The following TOX variants were observed in gnomAD, a reference collection of about 807,000 sequenced individuals.
The protein encoded by TOX is thymocyte selection associated high mobility group box.
Under a neutral mutation model 53.7 loss-of-function variants are expected in TOX, and 11 were observed. The ratio of observed to expected loss-of-function variants is 0.20; its 90% confidence interval spans 0.13 to 0.34. The LOEUF is 0.34. Among genes scored for constraint, TOX ranks in the 10% least tolerant of loss-of-function variants. The pLI, the probability that TOX is intolerant of heterozygous loss-of-function variation, is 1.00. For synonymous variants in TOX, 225 were observed against 245.3 expected, an observed-to-expected ratio of 0.92 and a Z score of 0.77; for missense variants, 570 against 664.6, an observed-to-expected ratio of 0.86 and a Z score of 1.56.
intron 1 of TOX, among the ~76,000 whole-genome samples, chr8:58,998,531 ATATAT>A (rs374144644): frequency 4.4e-5 from 1 of 22,832 alleles, no homozygotes; most frequent in Non-Finnish European, 8.0e-5. Flanking sequence ...ATATATATAT[ATATAT>A]ATAAATTTAT....
intron 4 of TOX, among the ~76,000 whole-genome samples, chr8:58,846,697 C>T (rs888565302): frequency 2.6e-5 from 4 of 152,018 alleles, no homozygotes; most frequent in African/African-American, 7.2e-5. Flanking sequence ...AACTCAGAGA[C>T]GACGCGTGTA....
chr8:58,950,195 G>A (rs1298396976), intron 2 of TOX, among the ~76,000 whole-genome samples: 1 of 148,778 alleles, frequency 6.7e-6, no homozygotes, highest in African/African-American at 2.5e-5. Context: ...AATTACATGT[G>A]TATAGTTCAT....
At chr8:59,032,374 G>A (rs1814374716) in intron 1 of TOX, among the ~76,000 whole-genome samples, 1 of 152,114 alleles carries the variant, frequency 6.6e-6, no homozygotes, top group Non-Finnish European at 1.5e-5. Context: ...TTATATTAAT[G>A]ACACATTGAA....
At chr8:58,817,505 C>A (rs1415205172) in intron 6 of TOX, among the ~76,000 whole-genome samples, 2 of 152,030 alleles carry the variant, frequency 1.3e-5, no homozygotes, top group Non-Finnish European at 2.9e-5. Context: ...TTAATCGAGC[C>A]TGTGTAAACA....
chr8:59,078,891 G>A (rs941993485), intron 1 of TOX, among the ~76,000 whole-genome samples: 6 of 152,220 alleles, frequency 3.9e-5, no homozygotes, highest in African/African-American at 1.4e-4. Context: ...CTAGGCTACT[G>A]AGGTCTCAGA....
At chr8:58,997,542 G>T (rs560412973) in intron 1 of TOX, among the ~76,000 whole-genome samples, 1 of 152,146 alleles carries the variant, frequency 6.6e-6, no homozygotes, top group Non-Finnish European at 1.5e-5. Flanking sequence ...TGCCAAGTGC[G>T]CCTGGGTGGT....
chr8:58,922,752 G>T (rs1812094086), intron 3 of TOX, among the ~76,000 whole-genome samples: 1 of 152,164 alleles, frequency 6.6e-6, no homozygotes, highest in South Asian at 2.1e-4. Context: ...AAGTAACAAT[G>T]CTCCAAGTGG....
chr8:59,030,384 A>G (rs1193594578), intron 1 of TOX, among the ~76,000 whole-genome samples: 1 of 152,234 alleles, frequency 6.6e-6, no homozygotes, highest in East Asian at 1.9e-4. Flanking sequence ...AGTTGCTGCT[A>G]AAGTAATGGT....
chr8:59,115,141 T>C (rs1314618746), intron 1 of TOX, among the ~76,000 whole-genome samples: 2 of 152,114 alleles, frequency 1.3e-5, no homozygotes, highest in African/African-American at 2.4e-5. Flanking sequence ...CAAAGAAAGA[T>C]TCAGGACATG....
At chr8:59,070,696 A>G (rs1439695289) in intron 1 of TOX, among the ~76,000 whole-genome samples, 1 of 152,208 alleles carries the variant, frequency 6.6e-6, no homozygotes, top group Non-Finnish European at 1.5e-5. Flanking sequence ...AATAGTGGGT[A>G]CAGAGAGATT....
chr8:58,882,631 A>G (rs890194939), intron 3 of TOX, among the ~76,000 whole-genome samples: 3 of 152,224 alleles, frequency 2.0e-5, no homozygotes, highest in Non-Finnish European at 2.9e-5. Context: ...CAATGTCACT[A>G]TAATTTTGAA....
intron 1 of TOX, among the ~76,000 whole-genome samples, chr8:59,033,947 G>C (rs13277511): frequency 0.21 from 31,580 of 152,098 alleles, 3,478 homozygotes; most frequent in African/African-American, 0.26. Flanking sequence ...CAGACTGAAA[G>C]TCCTTGGAAT....
In TOX at chr8:59,116,902, C is replaced by A. The variant is rs191200035; in HGVS notation, c.102+1984G>T. On this transcript the variant is annotated intron_variant, in intron 1 of 8. Coordinates refer to ENST00000361421, the MANE Select transcript of TOX (RefSeq NM_014729.3). ...ACTTTCTAAATTAATTTATTCAATT[C>A]ACAGCACAACCCACTAAAATTATTT... 8.5e-3 allele frequency among the ~76,000 whole-genome samples: 1,298 copies of A among 152,276 alleles called. 10 individuals carry two copies. The highest frequency in any genetic ancestry group is 0.012 in the Non-Finnish European group (804 of 68,026).
At chr8:58,815,255 C>T in intron 7 of TOX, 83 bp downstream of exon 7, 1 of 1,498,362 alleles carries the variant, frequency 6.7e-7, no homozygotes, top group Non-Finnish European at 8.9e-7. Context: ...CCAATCCTGT[C>T]CTGGATAAAC....
chr8:59,092,044 G>T (rs1554545705), intron 1 of TOX, among the ~76,000 whole-genome samples: 2 of 151,600 alleles, frequency 1.3e-5, no homozygotes, highest in Non-Finnish European at 2.9e-5. Context: ...GAGGTCAGGA[G>T]TTCCAGACCA....
intron 5 of TOX, among the ~76,000 whole-genome samples, chr8:58,831,719 A>G (rs1232314695): frequency 6.6e-6 from 1 of 152,204 alleles, no homozygotes; most frequent in Non-Finnish European, 1.5e-5. Context: ...AAGCCCCAGC[A>G]TGCTTGGAAC....
At chr8:59,089,749 C>G (rs78461482) in intron 1 of TOX, among the ~76,000 whole-genome samples, 3 of 152,142 alleles carry the variant, frequency 2.0e-5, no homozygotes, top group Non-Finnish European at 4.4e-5. Context: ...TCTCCATGCC[C>G]GGCTAATTTT....
chr8:58,942,597 C>A (rs1812460868), intron 2 of TOX, among the ~76,000 whole-genome samples: 1 of 152,034 alleles, frequency 6.6e-6, no homozygotes, highest in Non-Finnish European at 1.5e-5. Flanking sequence ...AAGTTCAATG[C>A]CAGGCTAATT....
chr8:58,835,964 T>A (rs1007695851), intron 5 of TOX, among the ~76,000 whole-genome samples: 2 of 152,196 alleles, frequency 1.3e-5, no homozygotes, highest in African/African-American at 4.8e-5. Context: ...GGGGGAATCA[T>A]GTGTCTTCAG....
Sources: allele counts gnomAD v4.1 joint callset (sites outside exome capture counted in the v4.1 genomes callset), GRCh38; gene constraint gnomAD v4.1.1; transcripts MANE v1.5; gene names NCBI Gene and HGNC (gene_info 2026-07-23, HGNC 2026-07-21).